EPB41L3: variants seen among roughly 807,000 people sequenced by gnomAD.
EPB41L3 encodes the protein band 4.1-like protein 3.
EPB41L3 carries 57 observed loss-of-function variants against 127.1 expected under a neutral mutation model. That is an observed-to-expected ratio of 0.45 (90% CI 0.36 to 0.56). The LOEUF (loss-of-function observed/expected upper bound fraction) is 0.56. Among genes scored for constraint, EPB41L3 ranks in the 20% least tolerant of loss-of-function variants. The pLI is 0.00. For synonymous variants in EPB41L3, 572 were observed against 549.5 expected (o/e 1.04, Z -0.57); for missense variants, 1,273 against 1,372.2 (o/e 0.93, Z 1.14).
At chr18:5,393,595 T>G (rs1458835508) in intron 22 of EPB41L3, 117 bp from the exon 23 acceptor site, 1 of 638,902 alleles carries the variant, frequency 1.6e-6, no homozygotes, top group Non-Finnish European at 2.8e-6. Context: ...CAAGATGCCA[T>G]GACATTCCAG....
intron 15 of EPB41L3, chr18:5,407,323 C>A: frequency 5.2e-6 from 2 of 387,234 alleles, no homozygotes; most frequent in Non-Finnish European, 9.2e-6. Context: ...AGAAGTCATC[C>A]CCACTTATTA....
rs1484138216 is a variant in EPB41L3 at position 5,566,734 on chromosome 18, ATTCT to A, written c.-306+45602_-306+45605del. Among the ~76,000 whole-genome samples the A allele has an allele frequency of 1.8e-4, 16 of 88,714 alleles. 1 individual carries two copies. Among genetic ancestry groups the A allele is most frequent in the African/African-American group, 6.3e-4 (15 of 23,816 alleles). 58.2% of individuals were successfully genotyped at this position (88,714 alleles called of 152,430 possible). On this transcript the variant is annotated intron_variant, in intron 3 of 21. Transcript: ENST00000545076. ...TTTCTTTTCTATTCCATTCTATTCT[ATTCT>A]ATTCTATTCTATTCTATTCTATTCT...
intron 3 of EPB41L3, among the ~76,000 whole-genome samples, chr18:5,602,170 A>T (rs1047598139): frequency 1.3e-5 from 2 of 152,204 alleles, no homozygotes; most frequent in Non-Finnish European, 2.9e-5. Flanking sequence ...TGCTACAATA[A>T]CATCAAGTGT....
intron 1 of EPB41L3, among the ~76,000 whole-genome samples, chr18:5,497,201 G>A (rs1022218854): frequency 2.6e-5 from 4 of 152,308 alleles, no homozygotes; most frequent in Admixed American, 2.6e-4. Context: ...GATATGAGGA[G>A]GGGTCAGATC....
upstream of EPB41L3, chr18:5,630,323 G>C (rs916894857): frequency 2.9e-4 from 149 of 515,204 alleles, no homozygotes; most frequent in Non-Finnish European, 4.2e-4. Context: ...TGCCCACGGG[G>C]CTAGGCGGCG....
intron 14 of EPB41L3, among the ~76,000 whole-genome samples, chr18:5,408,512 T>C (rs746157264): frequency 7.2e-5 from 11 of 151,892 alleles, no homozygotes; most frequent in Non-Finnish European, 1.0e-4. Context: ...TGACCTCAAG[T>C]GATCTGCCCG....
At chr18:5,558,788 A>G (rs1298022768) in intron 3 of EPB41L3, among the ~76,000 whole-genome samples, 1 of 152,110 alleles carries the variant, frequency 6.6e-6, no homozygotes, top group African/African-American at 2.4e-5. Flanking sequence ...CCAGTTAGCT[A>G]CTATTATTAA....
intron 3 of EPB41L3, among the ~76,000 whole-genome samples, chr18:5,455,590 A>G (rs2082916057): frequency 6.6e-6 from 1 of 151,568 alleles, no homozygotes; most frequent in Admixed American, 6.6e-5. Context: ...CTCCCTACAT[A>G]TTAAGCCCAT....
At chr18:5,458,468 G>A (rs138864177) in intron 3 of EPB41L3, among the ~76,000 whole-genome samples, 3 of 152,218 alleles carry the variant, frequency 2.0e-5, no homozygotes, top group Non-Finnish European at 2.9e-5. Context: ...TAGGCCACTC[G>A]AATCGCCCAG....
In EPB41L3 at chr18:5,416,065, G is replaced by C. The variant is rs1484643463; in HGVS notation, c.1820C>G (p.Ser607Cys). Residue 607 changes from serine to cysteine, a missense_variant, in exon 13 of 23, where the codon TCT (serine) becomes TGT (cysteine). By Grantham distance (112) the Ser-to-Cys change is moderately radical (BLOSUM62 -1). Transcript: ENST00000341928. ...PSLLDDDGYL[S>C]FPNLSETNLL... ...GTTGGTTTCAGAAAGGTTGGGGAAA[G>C]AGAGGTATCCATCATCATCTAGGAG... The C allele has an allele frequency of 6.2e-7, 1 of 1,613,614 alleles. No homozygotes were observed.
Position 5,496,448 on chromosome 18 carries a change from TA to T in EPB41L3, c.-11-7255del, listed in dbSNP as rs1180261598. ...GGGGACCTATGTTAGCAGAGAACTT[TA>T]ATAGAGTTCAGTGACAGTATTAATA... is the stretch of plus-strand genomic sequence containing the variant. On this transcript the variant is annotated intron_variant, in intron 1 of 22. Transcript: ENST00000341928. 5.3e-5 allele frequency among the ~76,000 whole-genome samples: 8 copies of T among 152,240 alleles called. No individual in the cohort carries two copies. The South Asian group carries it at 8.3e-4, about 16-fold the overall frequency.
chr18:5,611,994 A>T (rs943522843), intron 3 of EPB41L3, among the ~76,000 whole-genome samples: 3 of 152,142 alleles, frequency 2.0e-5, no homozygotes, highest in African/African-American at 7.2e-5. Context: ...TTCTCAATCC[A>T]TAAAAATATA....
chr18:5,553,459 G>A (rs2093992006), intron 3 of EPB41L3, among the ~76,000 whole-genome samples: 1 of 152,088 alleles, frequency 6.6e-6, no homozygotes, highest in Admixed American at 6.6e-5. Flanking sequence ...ATGCTAAACT[G>A]CCCCTACACA....
At chr18:5,420,916 A>C (rs893957733) in intron 11 of EPB41L3, among the ~76,000 whole-genome samples, 14 of 151,734 alleles carry the variant, frequency 9.2e-5, no homozygotes, top group Admixed American at 8.1e-4. Context: ...ATGTCACTAA[A>C]ATATCTTCAC....
At chr18:5,545,873 CTGTGTGTGTGTGTGTG>C (rs36213569), upstream of EPB41L3, among the ~76,000 whole-genome samples, 247 of 146,974 alleles carry the variant, frequency 1.7e-3, 1 homozygote, top group Middle Eastern at 3.5e-3. Context: ...CTGTATGACT[CTGTGTGTGTGTGTGTG>C]TGTGTGTGTG....
chr18:5,405,919 T>C (rs2075309420), intron 16 of EPB41L3, among the ~76,000 whole-genome samples: 1 of 151,862 alleles, frequency 6.6e-6, no homozygotes, highest in South Asian at 2.1e-4. Flanking sequence ...CCATAAAACA[T>C]CTACTAGGAA....
intron 3 of EPB41L3, among the ~76,000 whole-genome samples, chr18:5,572,930 T>G (rs1356604121): frequency 6.6e-6 from 1 of 152,142 alleles, no homozygotes; most frequent in East Asian, 1.9e-4. Context: ...CTCTCCCCAC[T>G]TCTTGCTGCT....
chr18:5,462,300 A>G lies in EPB41L3; in HGVS notation c.381+15941T>C, dbSNP rs1038818453. Among the ~76,000 whole-genome samples the G allele has an allele frequency of 5.3e-5, 8 of 152,326 alleles. 1 individual carries two copies. Among genetic ancestry groups the G allele is most frequent in the Admixed American group, 4.6e-4 (7 of 15,302 alleles). On this transcript the variant is annotated intron_variant, in intron 3 of 22. Coordinates refer to ENST00000341928, the MANE Select transcript of EPB41L3 (RefSeq NM_012307.5). Reference sequence around the variant, plus strand: ...TGTACAGCTGAAATTCTAATGTATGAAAGACAGCAAAAAGCCAAATTAAAT... The same window carrying G: ...TGTACAGCTGAAATTCTAATGTATGGAAGACAGCAAAAAGCCAAATTAAAT...
Position 5,397,948 on chromosome 18 carries a change from C to T in EPB41L3, c.2472+73G>A, listed in dbSNP as rs1234067046. 1.9e-6 allele frequency: 3 copies of T among 1,595,528 alleles called. No homozygotes were observed. The highest frequency in any genetic ancestry group is 2.7e-5 in the African/African-American group (2 of 74,370). ...AGCCAGCTGGATGCAACCACACACT[C>T]ACGCCCAAAAAAAGGGTAAGGAAAG... On this transcript the variant is annotated intron_variant, in intron 17 of 22. Transcript: ENST00000341928. This position sits in a 1 kb window ranked among gnomAD's most constrained non-coding sequence, Gnocchi z 4.1.
Sources: gnomAD v4.1 joint callset for allele counts (sites outside exome capture counted in the v4.1 genomes callset) on GRCh38, gnomAD v4.1.1 for gene constraint, Gnocchi (gnomAD v3.1) non-coding constraint, MANE v1.5 for transcripts, NCBI Gene and HGNC (gene_info 2026-07-23, HGNC 2026-07-21) for gene names.